FREM1: variants seen among roughly 807,000 people sequenced by gnomAD.
FREM1 encodes FRAS1 related extracellular matrix 1.
Under a neutral mutation model 210.1 loss-of-function variants are expected in FREM1, and 220 were observed. The ratio of observed to expected loss-of-function variants is 1.05; its 90% CI spans 0.94 to 1.17. FREM1 has a LOEUF of 1.17. Among genes scored for constraint, FREM1 ranks in the 50% most tolerant of loss-of-function variants. The probability of loss-of-function intolerance (pLI) is 0.00; values close to 1 mark genes in which losing one functional copy is unlikely to be tolerated. For synonymous variants in FREM1, 1,189 were observed against 980.2 expected, an observed-to-expected ratio of 1.21 and a Z score of -3.98; for missense variants, 3,454 against 2,675.5, an observed-to-expected ratio of 1.29 and a Z score of -6.42.
intron 1 of FREM1, among the ~76,000 whole-genome samples, chr9:14,876,274 C>A (rs1814374864): frequency 6.6e-6 from 1 of 152,150 alleles, no homozygotes; most frequent in Admixed American, 6.5e-5. Context: ...GTGCCCTGCC[C>A]CCAGAGGTGG....
At chr9:14,800,139 G>C (rs1853260720) in intron 20 of FREM1, among the ~76,000 whole-genome samples, 1 of 152,128 alleles carries the variant, frequency 6.6e-6, no homozygotes, top group Admixed American at 6.5e-5. Context: ...TTACACACTA[G>C]TTGGGGAAAC....
intron 14 of FREM1, among the ~76,000 whole-genome samples, chr9:14,818,952 G>A (rs752339172): frequency 5.9e-5 from 9 of 152,052 alleles, no homozygotes; most frequent in Non-Finnish European, 1.0e-4. Context: ...CCTGTGATAT[G>A]TGCAGTTACT....
Position 14,860,954 on chromosome 9 carries a change from C to CACATATATACACATATAT in FREM1, c.330-1488_330-1471dup, listed in dbSNP as rs1242738868. Among the ~76,000 whole-genome samples the CACATATATACACATATAT allele has an allele frequency of 3.0e-3, 260 of 86,090 alleles. 31 individuals are homozygous for CACATATATACACATATAT. The highest frequency in any genetic ancestry group is 5.1e-3 in the Non-Finnish European group (225 of 43,918). 56.5% of individuals were successfully genotyped at this position (86,090 alleles called of 152,430 possible). ...ACATATACACACATATACACATATACACATATATACACATATATACATATA... is the reference window on the plus strand; with the variant it reads ...ACATATACACACATATACACATATACACATATATACACATATATACATATATACACATATATACATATA... On this transcript the variant is annotated intron_variant, in intron 3 of 36. Transcript: ENST00000380880.
intron 19 of FREM1, among the ~76,000 whole-genome samples, chr9:14,803,072 T>C (rs1485751681): frequency 1.4e-5 from 2 of 145,524 alleles, no homozygotes; most frequent in Non-Finnish European, 3.0e-5. Flanking sequence ...TTTCTTTCTT[T>C]CTCTTTCCTT....
At chr9:14,880,597 G>C (rs1042220365) in intron 1 of FREM1, among the ~76,000 whole-genome samples, 5 of 105,058 alleles carry the variant, frequency 4.8e-5, no homozygotes, top group Non-Finnish European at 7.1e-5. Flanking sequence ...GAGTGAGACT[G>C]TCTCAAAAAA....
chr9:14,791,108 G>C (rs764809732), intron 22 of FREM1: 1 of 152,100 alleles, frequency 6.6e-6, no homozygotes, highest in Admixed American at 6.5e-5. Flanking sequence ...GGTGGTTGTG[G>C]TTGCTAGTCT....
chr9:14,774,577 A>G (rs908766895), intron 25 of FREM1, among the ~76,000 whole-genome samples: 3 of 150,506 alleles, frequency 2.0e-5, no homozygotes, highest in Admixed American at 1.3e-4. Flanking sequence ...GCAAGGAAAA[A>G]TGTAACTATT....
At chr9:14,771,292 T>C (rs553981162) in intron 25 of FREM1, among the ~76,000 whole-genome samples, 10 of 152,316 alleles carry the variant, frequency 6.6e-5, no homozygotes, top group African/African-American at 2.2e-4. Flanking sequence ...GGTTTACAAA[T>C]ATATAGAAAT....
At chr9:14,854,830 A>G (rs1828423067) in intron 5 of FREM1, among the ~76,000 whole-genome samples, 1 of 152,074 alleles carries the variant, frequency 6.6e-6, no homozygotes, top group African/African-American at 2.4e-5. Flanking sequence ...TCACAAAAAC[A>G]AAGTGCCTAG....
intron 19 of FREM1, among the ~76,000 whole-genome samples, chr9:14,802,382 A>G (rs1160546241): frequency 1.3e-5 from 2 of 152,184 alleles, no homozygotes; most frequent in Non-Finnish European, 2.9e-5. Context: ...TATCGCAGTA[A>G]AAACTTCTGT....
intron 21 of FREM1, among the ~76,000 whole-genome samples, chr9:14,796,306 GA>G (rs1258298199): frequency 6.6e-6 from 1 of 151,990 alleles, no homozygotes; most frequent in Non-Finnish European, 1.5e-5. Flanking sequence ...TTGCACTATT[GA>G]AAAAAGAGGT....
chr9:14,847,286 G>T (rs1006545914), intron 7 of FREM1, among the ~76,000 whole-genome samples: 3 of 151,858 alleles, frequency 2.0e-5, no homozygotes, highest in Non-Finnish European at 4.4e-5. Context: ...GTTTTTATTT[G>T]CTTCTCCCCT....
At chr9:14,782,874 G>A (rs950929876) in intron 24 of FREM1, among the ~76,000 whole-genome samples, 4 of 152,222 alleles carry the variant, frequency 2.6e-5, no homozygotes, top group Non-Finnish European at 4.4e-5. Flanking sequence ...GGAAACAAGA[G>A]CACAGGAGGT....
At chr9:14,897,179 G>A (rs1266229422) in intron 1 of FREM1, among the ~76,000 whole-genome samples, 1 of 152,144 alleles carries the variant, frequency 6.6e-6, no homozygotes, top group East Asian at 1.9e-4. Context: ...CATGTATTAT[G>A]CACTCACTTT....
intron 24 of FREM1, among the ~76,000 whole-genome samples, chr9:14,783,586 T>A (rs920673513): frequency 6.6e-6 from 1 of 152,170 alleles, no homozygotes; most frequent in Non-Finnish European, 1.5e-5. Context: ...GATCTGTGTT[T>A]CTCTCCAGGA....
chr9:14,831,053 A>T (rs1480342413), intron 10 of FREM1, among the ~76,000 whole-genome samples: 1 of 152,146 alleles, frequency 6.6e-6, no homozygotes, highest in African/African-American at 2.4e-5. Context: ...CCCATTACCC[A>T]CAGGTATTGG....
intron 2 of FREM1, 31 bp downstream of exon 2, chr9:14,868,713 G>C: frequency 7.2e-7 from 1 of 1,385,912 alleles, no homozygotes; most frequent in Non-Finnish European, 1.0e-6. Context: ...TCATACACAC[G>C]ACTGAACAGA....
At chr9:14,861,518 T>G (rs941780853) in intron 3 of FREM1, among the ~76,000 whole-genome samples, 2 of 145,854 alleles carry the variant, frequency 1.4e-5, no homozygotes, top group Non-Finnish European at 3.0e-5. Flanking sequence ...TTTTTTTTTT[T>G]TTTTTTGAGA....
intron 25 of FREM1, among the ~76,000 whole-genome samples, chr9:14,771,959 T>C (rs1456911401): frequency 6.6e-6 from 1 of 152,096 alleles, no homozygotes; most frequent in Non-Finnish European, 1.5e-5. Context: ...ATAATGTTTG[T>C]ATAGACATAG....
Sources: gnomAD v4.1 joint callset for allele counts (sites outside exome capture counted in the v4.1 genomes callset) on GRCh38, gnomAD v4.1.1 for gene constraint, MANE v1.5 for transcripts, NCBI Gene and HGNC (gene_info 2026-07-23, HGNC 2026-07-21) for gene names.